CSMD1: variants seen among roughly 807,000 people sequenced by gnomAD.
CSMD1 encodes the protein CUB and Sushi multiple domains 1.
Under a neutral mutation model 417.5 loss-of-function variants are expected in CSMD1, and 213 were observed. The ratio of observed to expected loss-of-function variants is 0.51; its 90% CI spans 0.46 to 0.57. The LOEUF (loss-of-function observed/expected upper bound fraction) is 0.57. Among genes scored for constraint, CSMD1 ranks in the 20% least tolerant of loss-of-function variants. The probability of loss-of-function intolerance (pLI) is 0.00; values close to 1 mark genes in which losing one functional copy is unlikely to be tolerated. For synonymous variants in CSMD1, 2,862 were observed against 1,736.8 expected (o/e 1.65, Z -16.11); for missense variants, 6,923 against 4,529.7 (o/e 1.53, Z -15.17).
At chr8:3,450,121 G>A (rs1219584353) in intron 12 of CSMD1, among the ~76,000 whole-genome samples, 3 of 152,166 alleles carry the variant, frequency 2.0e-5, no homozygotes, top group African/African-American at 4.8e-5. Flanking sequence ...TATGTGTCCT[G>A]CACATCAGGA....
At chr8:3,826,795 A>T (rs868635376) in intron 5 of CSMD1, among the ~76,000 whole-genome samples, 3 of 151,832 alleles carry the variant, frequency 2.0e-5, no homozygotes, top group African/African-American at 7.3e-5. Context: ...TTTAATTTTA[A>T]TATTTTTTTG....
intron 10 of CSMD1, among the ~76,000 whole-genome samples, chr8:3,501,985 G>T (rs190163718): frequency 1.3e-5 from 2 of 152,022 alleles, no homozygotes; most frequent in Non-Finnish European, 2.9e-5. Flanking sequence ...AATGCAAAAT[G>T]GTACAGTCAC....
chr8:3,676,281 C>G (rs1799370893), intron 7 of CSMD1, among the ~76,000 whole-genome samples: 1 of 152,134 alleles, frequency 6.6e-6, no homozygotes. Flanking sequence ...TATTTACCAA[C>G]TCTGTGGCCC....
intron 3 of CSMD1, among the ~76,000 whole-genome samples, chr8:4,204,385 G>A (rs990604604): frequency 6.6e-6 from 1 of 151,978 alleles, no homozygotes; most frequent in African/African-American, 2.4e-5. Flanking sequence ...TTGATCATCT[G>A]TTCTACAAAT....
At chr8:2,955,828 A>C in intron 63 of CSMD1, 60 bp from the exon 64 acceptor site, 1 of 1,479,958 alleles carries the variant, frequency 6.8e-7, no homozygotes, top group Non-Finnish European at 9.3e-7. Context: ...ACATGTGTCT[A>C]GAGAAATTAA....
intron 5 of CSMD1, among the ~76,000 whole-genome samples, chr8:3,843,315 C>G (rs1031166091): frequency 7.9e-5 from 12 of 152,100 alleles, no homozygotes; most frequent in East Asian, 5.8e-4. Flanking sequence ...TAATCTTTAC[C>G]TCATTGAACG....
chr8:4,489,876 C>T (rs950550611), intron 2 of CSMD1, among the ~76,000 whole-genome samples: 2 of 152,120 alleles, frequency 1.3e-5, no homozygotes, highest in South Asian at 2.1e-4. Flanking sequence ...CCATGCCTTG[C>T]CCAGACTACG....
chr8:3,779,592 A>C (rs1799068959), intron 5 of CSMD1, among the ~76,000 whole-genome samples: 1 of 152,242 alleles, frequency 6.6e-6, no homozygotes, highest in African/African-American at 2.4e-5. Flanking sequence ...TATGCTGCTG[A>C]ATAACCGGGT....
intron 1 of CSMD1, among the ~76,000 whole-genome samples, chr8:4,687,441 T>C (rs1806465056): frequency 6.6e-6 from 1 of 152,224 alleles, no homozygotes; most frequent in South Asian, 2.1e-4. Flanking sequence ...TCAATGTTGA[T>C]AATTTAGTCA....
intron 49 of CSMD1, among the ~76,000 whole-genome samples, chr8:3,083,608 T>TTATATATA (rs747356738): frequency 2.2e-5 from 1 of 44,978 alleles, no homozygotes; most frequent in Non-Finnish European, 4.0e-5. Context: ...TTACCATAAT[T>TTATATATA]TTTATATATA....
intron 5 of CSMD1, among the ~76,000 whole-genome samples, chr8:3,772,468 CACA>C (rs1798646516): frequency 1.5e-5 from 1 of 65,990 alleles, no homozygotes. Flanking sequence ...TACATATATA[CACA>C]TATATATACA....
intron 11 of CSMD1, among the ~76,000 whole-genome samples, chr8:3,473,964 A>T (rs1817258950): frequency 6.6e-6 from 1 of 152,164 alleles, no homozygotes; most frequent in South Asian, 2.1e-4. Context: ...TGTCAAACAT[A>T]AAACCATCAG....
At chr8:4,768,553 GT>G (rs919887080) in intron 1 of CSMD1, among the ~76,000 whole-genome samples, 1 of 152,192 alleles carries the variant, frequency 6.6e-6, no homozygotes, top group Non-Finnish European at 1.5e-5. Context: ...AGCCTCTTCT[GT>G]AGAAAATGCT....
At chr8:3,862,216 C>T (rs980762099) in intron 5 of CSMD1, among the ~76,000 whole-genome samples, 1 of 152,214 alleles carries the variant, frequency 6.6e-6, no homozygotes, top group Non-Finnish European at 1.5e-5. Flanking sequence ...AATTATGACA[C>T]ATAACTGCCT....
intron 2 of CSMD1, among the ~76,000 whole-genome samples, chr8:4,611,573 C>G (rs569180179): frequency 6.6e-6 from 1 of 152,276 alleles, no homozygotes; most frequent in South Asian, 2.1e-4. Flanking sequence ...GAAGTGTTTA[C>G]ACTTCCCCTC....
intron 2 of CSMD1, among the ~76,000 whole-genome samples, chr8:4,582,030 G>A (rs553588363): frequency 2.0e-5 from 3 of 152,052 alleles, no homozygotes; most frequent in African/African-American, 7.2e-5. Flanking sequence ...AAACAGCATC[G>A]CAGAGAGAGA....
At chr8:4,245,986 C>G (rs1028843765) in intron 3 of CSMD1, among the ~76,000 whole-genome samples, 9 of 152,124 alleles carry the variant, frequency 5.9e-5, no homozygotes, top group Non-Finnish European at 1.3e-4. Context: ...CAGGGATGGT[C>G]TCATGAACAT....
chr8:3,644,572 C>T (rs1755575198), intron 7 of CSMD1, among the ~76,000 whole-genome samples: 1 of 152,052 alleles, frequency 6.6e-6, no homozygotes, highest in African/African-American at 2.4e-5. Context: ...GAGATTGAAT[C>T]TGAAGGATTG....
intron 7 of CSMD1, among the ~76,000 whole-genome samples, chr8:3,634,783 G>C (rs1320488213): frequency 1.3e-5 from 2 of 152,134 alleles, no homozygotes; most frequent in Non-Finnish European, 2.9e-5. Context: ...AGTGAATACA[G>C]CCATGCATCA....
Sources: allele counts gnomAD v4.1 joint callset (sites outside exome capture counted in the v4.1 genomes callset), GRCh38; gene constraint gnomAD v4.1.1; transcripts MANE v1.5; gene names NCBI Gene and HGNC (gene_info 2026-07-23, HGNC 2026-07-21).